The following ROBO2 variants were observed in gnomAD, a reference collection of about 807,000 sequenced individuals.
ROBO2 encodes the protein roundabout guidance receptor 2, also known as roundabout homolog 2.
ROBO2 carries 53 observed loss-of-function variants against 160.8 expected under a neutral mutation model. The ratio of observed to expected loss-of-function variants is 0.33; its 90% CI spans 0.26 to 0.41. The LOEUF is 0.41. ROBO2 is among the 10% of genes least tolerant of loss of function. The pLI, the probability that ROBO2 is intolerant of heterozygous loss-of-function variation, is 1.00. For synonymous variants in ROBO2, 664 were observed against 611.7 expected, an observed-to-expected ratio of 1.09 and a Z score of -1.26; for missense variants, 1,577 against 1,722.4, an observed-to-expected ratio of 0.92 and a Z score of 1.49.
At chr3:76,368,937 T>C (rs2075967199) in intron 2 of ROBO2, among the ~76,000 whole-genome samples, 1 of 151,992 alleles carries the variant, frequency 6.6e-6, no homozygotes, top group East Asian at 1.9e-4. Context: ...CAATGTACTG[T>C]AGAAAATGTT....
At chr3:77,533,442 T>C (rs993126275) in intron 6 of ROBO2, among the ~76,000 whole-genome samples, 1 of 152,190 alleles carries the variant, frequency 6.6e-6, no homozygotes, top group African/African-American at 2.4e-5. Context: ...AATCAAGATA[T>C]TGGCCAGGTT....
chr3:77,553,865 T>C (rs1582904438), intron 8 of ROBO2, among the ~76,000 whole-genome samples: 1 of 141,874 alleles, frequency 7.0e-6, no homozygotes, highest in African/African-American at 2.6e-5. Context: ...AGGTAAAGCA[T>C]CAAGGGCTAA....
intron 2 of ROBO2, among the ~76,000 whole-genome samples, chr3:76,944,581 G>T (rs2078398453): frequency 6.6e-6 from 1 of 152,092 alleles, no homozygotes; most frequent in South Asian, 2.1e-4. Flanking sequence ...AGTTGTTTTT[G>T]TTATTTTCTT....
At chr3:76,775,897 G>A (rs1040766516) in intron 2 of ROBO2, among the ~76,000 whole-genome samples, 6 of 150,606 alleles carry the variant, frequency 4.0e-5, no homozygotes, top group African/African-American at 1.2e-4. Context: ...CTAAAAACAA[G>A]GATATATTGT....
chr3:77,163,987 A>C (rs2078721973), intron 2 of ROBO2, among the ~76,000 whole-genome samples: 1 of 152,206 alleles, frequency 6.6e-6, no homozygotes, highest in African/African-American at 2.4e-5. Flanking sequence ...TACATATTTC[A>C]TCAACTTCCC....
intron 2 of ROBO2, among the ~76,000 whole-genome samples, chr3:76,611,932 A>G (rs1483153990): frequency 6.6e-6 from 1 of 152,136 alleles, no homozygotes; most frequent in Non-Finnish European, 1.5e-5. Flanking sequence ...CTTTTGCAGT[A>G]TTCCATAGTT....
At chr3:76,446,119 A>T (rs2077168247) in intron 2 of ROBO2, among the ~76,000 whole-genome samples, 1 of 152,198 alleles carries the variant, frequency 6.6e-6, no homozygotes, top group Non-Finnish European at 1.5e-5. Flanking sequence ...TGCAGATGAC[A>T]TGATTGTACA....
chr3:77,351,820 C>T (rs978494518), intron 2 of ROBO2, among the ~76,000 whole-genome samples: 6 of 151,928 alleles, frequency 3.9e-5, no homozygotes, highest in Admixed American at 6.6e-5. Flanking sequence ...CAATAAGAGT[C>T]GCAGGTTTTT....
chr3:77,455,777 G>A (rs1452493421), intron 2 of ROBO2, among the ~76,000 whole-genome samples: 6 of 150,678 alleles, frequency 4.0e-5, no homozygotes, highest in Non-Finnish European at 8.9e-5. Flanking sequence ...TGACTAATAT[G>A]CATTTTTATT....
intron 25 of ROBO2, 150 bp downstream of exon 27, chr3:77,645,054 C>T (rs2095398640): frequency 1.3e-6 from 1 of 757,362 alleles, no homozygotes. Context: ...TTGGTCATAA[C>T]TTAGGCCATT....
intron 2 of ROBO2, among the ~76,000 whole-genome samples, chr3:76,748,384 A>C (rs2093926994): frequency 6.6e-6 from 1 of 151,776 alleles, no homozygotes; most frequent in South Asian, 2.1e-4. Flanking sequence ...CCTAAAACTA[A>C]GATAAAAATC....
chr3:76,285,130 A>G (rs187045206), intron 2 of ROBO2, among the ~76,000 whole-genome samples: 2 of 152,270 alleles, frequency 1.3e-5, no homozygotes, highest in African/African-American at 4.8e-5. Flanking sequence ...CTTGTTCACC[A>G]TAATTTATTT....
chr3:76,401,782 T>C (rs1334688162), intron 2 of ROBO2, among the ~76,000 whole-genome samples: 2 of 151,544 alleles, frequency 1.3e-5, no homozygotes, highest in East Asian at 1.9e-4. Flanking sequence ...ATTAAGATTA[T>C]AAATAAATTG....
At chr3:77,249,805 T>C (rs570993158) in intron 2 of ROBO2, among the ~76,000 whole-genome samples, 3 of 151,696 alleles carry the variant, frequency 2.0e-5, no homozygotes, top group African/African-American at 7.3e-5. Flanking sequence ...ATAGCTACTA[T>C]ATTTTATTAT....
chr3:76,224,186 A>G (rs982264291), intron 2 of ROBO2, among the ~76,000 whole-genome samples: 1 of 152,226 alleles, frequency 6.6e-6, no homozygotes, highest in Non-Finnish European at 1.5e-5. Flanking sequence ...GAGGGGTTCT[A>G]GAAGAAAATT....
intron 2 of ROBO2, among the ~76,000 whole-genome samples, chr3:76,018,584 A>G (rs1338149785): frequency 2.6e-5 from 4 of 151,550 alleles, no homozygotes; most frequent in Admixed American, 6.6e-5. Flanking sequence ...ATGCTTTCCT[A>G]TTTCCAAATC....
rs1705135187 is a variant in ROBO2 at position 76,239,095 on chromosome 3, C to T, written c.109+301493C>T. Among the ~76,000 whole-genome samples the T allele has an allele frequency of 2.0e-5, 3 of 152,116 alleles. No individual in the cohort carries two copies. The South Asian group carries it at 6.2e-4, about 31-fold the overall frequency. On this transcript the variant is annotated intron_variant, in intron 2 of 26. Coordinates refer to the ROBO2 transcript ENST00000487694. ...TTAATCTATGTTTTAACAAGACTGC[C>T]AGCTGATTTCAGTGCTCACTAAATT...
intron 2 of ROBO2, among the ~76,000 whole-genome samples, chr3:76,301,564 C>T (rs1317629475): frequency 6.6e-6 from 1 of 152,026 alleles, no homozygotes; most frequent in African/African-American, 2.4e-5. Flanking sequence ...TGTACTTGAT[C>T]TCATTACACC....
At chr3:76,387,919 GA>G (rs1454440538) in intron 2 of ROBO2, among the ~76,000 whole-genome samples, 1 of 152,166 alleles carries the variant, frequency 6.6e-6, no homozygotes, top group Non-Finnish European at 1.5e-5. Flanking sequence ...GCAGTTATAT[GA>G]AAAATTAGAA....
Sources: gnomAD v4.1 joint callset for allele counts (sites outside exome capture counted in the v4.1 genomes callset) on GRCh38, gnomAD v4.1.1 for gene constraint, MANE v1.5 for transcripts, NCBI Gene and HGNC (gene_info 2026-07-23, HGNC 2026-07-21) for gene names.